The following TENM4 variants were observed in gnomAD, a reference collection of about 807,000 sequenced individuals.
TENM4 encodes teneurin transmembrane protein 4, also known as teneurin-4.
TENM4 carries 82 observed loss-of-function variants against 243.3 expected under a neutral mutation model. That is an observed-to-expected ratio of 0.34 (90% CI 0.28 to 0.40). The LOEUF (loss-of-function observed/expected upper bound fraction) is 0.40, where lower values mean the gene tolerates loss of function less well. TENM4 is among the 10% of genes least tolerant of loss of function. The pLI is 1.00. For missense variants in TENM4, 3,138 were observed against 3,673.3 expected (o/e 0.85, Z 3.77); for synonymous variants, 1,412 against 1,456.3 (o/e 0.97, Z 0.69).
At chr11:78,767,169 A>C (rs1856555941) in intron 18 of TENM4, among the ~76,000 whole-genome samples, 1 of 152,182 alleles carries the variant, frequency 6.6e-6, no homozygotes, top group Admixed American at 6.5e-5. Context: ...ACACAGTGAG[A>C]AGCTCTAATG....
chr11:79,124,893 A>ATGTATATGTGTG (rs1555013197), intron 4 of TENM4, among the ~76,000 whole-genome samples: 1 of 111,744 alleles, frequency 8.9e-6, no homozygotes, highest in Non-Finnish European at 2.0e-5. Flanking sequence ...GTATATGTAT[A>ATGTATATGTGTG]TGTGTGTGTG....
At chr11:78,937,323 T>C (rs1324659873) in intron 6 of TENM4, among the ~76,000 whole-genome samples, 2 of 152,182 alleles carry the variant, frequency 1.3e-5, no homozygotes, top group African/African-American at 4.8e-5. Context: ...CAGCATGTGT[T>C]TCCCAGAGGG....
intron 11 of TENM4, among the ~76,000 whole-genome samples, chr11:78,854,738 C>T (rs575295827): frequency 5.3e-5 from 8 of 150,314 alleles, no homozygotes; most frequent in African/African-American, 7.3e-5. Flanking sequence ...GGAGCAGAGG[C>T]GGGTGGCTGG....
At chr11:79,216,590 T>A (rs954536119) in intron 2 of TENM4, among the ~76,000 whole-genome samples, 1 of 152,218 alleles carries the variant, frequency 6.6e-6, no homozygotes. Flanking sequence ...CCTTGATGAA[T>A]GGATTAATGC....
At chr11:78,851,004 A>T (rs1028063086) in intron 12 of TENM4, among the ~76,000 whole-genome samples, 10 of 152,334 alleles carry the variant, frequency 6.6e-5, no homozygotes, top group African/African-American at 2.4e-4. Flanking sequence ...GCTTCACCGC[A>T]GGCCTACTGA....
intron 6 of TENM4, among the ~76,000 whole-genome samples, chr11:78,912,412 G>T (rs902724103): frequency 3.3e-5 from 5 of 152,148 alleles, no homozygotes; most frequent in Admixed American, 2.6e-4. Context: ...ACGCCACCAT[G>T]CCTGGCTAAT....
intron 4 of TENM4, among the ~76,000 whole-genome samples, chr11:79,117,261 G>C (rs1565210507): frequency 6.6e-6 from 1 of 152,140 alleles, no homozygotes; most frequent in Non-Finnish European, 1.5e-5. Flanking sequence ...TCAGAGACAG[G>C]CACATAATGG....
chr11:78,671,901 A>C, intron 31 of TENM4, 132 bp downstream of exon 31: 2 of 1,227,040 alleles, frequency 1.6e-6, no homozygotes, highest in South Asian at 3.1e-5. Flanking sequence ...CCTCTGTGGC[A>C]GACTTTCCTG....
Position 78,670,192 on chromosome 11 carries a change from G to A in TENM4, c.6153C>T (p.Phe2051=), listed in dbSNP as rs769225940. ...LKTINLQNEG[F]TCTIRYRQIG... ...TCTGACGGTAGCGGATGGTGCAGGT[G>A]AAGCCCTCATTCTGTAGGTTGATGG... Residue 2051 remains phenylalanine, a synonymous_variant, in exon 32 of 34, where the codon TTC becomes TTT. Transcript: ENST00000278550. 6.2e-7 allele frequency: 1 copy of A among 1,613,970 alleles called. No homozygotes were observed. Among genetic ancestry groups the A allele is most frequent in the Non-Finnish European group, 8.5e-7 (1 of 1,179,886 alleles).
chr11:78,990,613 C>T (rs1356979893), intron 6 of TENM4, among the ~76,000 whole-genome samples: 1 of 152,056 alleles, frequency 6.6e-6, no homozygotes, highest in Non-Finnish European at 1.5e-5. Flanking sequence ...GTATACGATT[C>T]CATGTGTGTT....
At chr11:79,079,526 C>G (rs1441383035) in intron 4 of TENM4, among the ~76,000 whole-genome samples, 1 of 152,160 alleles carries the variant, frequency 6.6e-6, no homozygotes, top group Non-Finnish European at 1.5e-5. Flanking sequence ...ATGGTGGCAT[C>G]TTAGAGTCAG....
At chr11:78,937,249 T>TG (rs1856805641) in intron 6 of TENM4, among the ~76,000 whole-genome samples, 1 of 152,146 alleles carries the variant, frequency 6.6e-6, no homozygotes, top group African/African-American at 2.4e-5. Flanking sequence ...ATTTAGGCCA[T>TG]GGTTTCTAGT....
intron 2 of TENM4, among the ~76,000 whole-genome samples, chr11:79,294,958 G>A (rs1054403903): frequency 5.9e-5 from 9 of 152,158 alleles, no homozygotes; most frequent in African/African-American, 1.9e-4. Context: ...CTTCTATGTA[G>A]ACCACAAACA....
Position 78,752,922 on chromosome 11 carries a change from T to G in TENM4, c.2756+3883A>C, listed in dbSNP as rs77108859. On this transcript the variant is annotated intron_variant, in intron 19 of 33. Transcript: ENST00000278550. ...TTAATTAACATCATCATCACCGCCATGTAATTAGCAAGCAAGTTTTTGTGT... is the reference window on the plus strand; with the variant it reads ...TTAATTAACATCATCATCACCGCCAGGTAATTAGCAAGCAAGTTTTTGTGT... 9.5e-3 allele frequency among the ~76,000 whole-genome samples: 1,449 copies of G among 152,290 alleles called. 11 individuals carry two copies. Among genetic ancestry groups the G allele is most frequent in the Middle Eastern group, 0.017 (5 of 294 alleles).
At chr11:78,954,913 T>C (rs1857177812) in intron 6 of TENM4, among the ~76,000 whole-genome samples, 1 of 152,202 alleles carries the variant, frequency 6.6e-6, no homozygotes, top group South Asian at 2.1e-4. Context: ...AACCAACAGA[T>C]GAGCCTTTTG....
At chr11:79,401,221 T>C (rs149108531) in intron 1 of TENM4, among the ~76,000 whole-genome samples, 10 of 152,302 alleles carry the variant, frequency 6.6e-5, no homozygotes, top group African/African-American at 1.2e-4. Context: ...AACAAGCATG[T>C]ATTGAGCAGT....
chr11:79,094,053 A>G (rs1354113139), intron 4 of TENM4, among the ~76,000 whole-genome samples: 1 of 152,170 alleles, frequency 6.6e-6, no homozygotes, highest in Non-Finnish European at 1.5e-5. Context: ...ACTGCATTAG[A>G]GACTGTAGAC....
intron 20 of TENM4, among the ~76,000 whole-genome samples, chr11:78,738,002 A>G (rs1485662676): frequency 6.6e-6 from 1 of 152,194 alleles, no homozygotes; most frequent in Non-Finnish European, 1.5e-5. Context: ...GCCATTAAGG[A>G]AGTTTTATTT....
At position 78,814,091 on chromosome 11, in the gene TENM4, C is replaced by T. The variant is rs114343569; in HGVS notation, c.1783+203G>A. On this transcript the variant is annotated intron_variant, in intron 13 of 33. Coordinates refer to ENST00000278550, the MANE Select transcript of TENM4 (RefSeq NM_001098816.3). ...CTCCCTTCCTGACCTCCCCGATCAT[C>T]CACATGTGGATAACAGCAGCTGACA... Among the ~76,000 whole-genome samples the T allele has an allele frequency of 0.013, 1,970 of 152,296 alleles. 44 individuals carry two copies. The highest frequency in any genetic ancestry group is 0.045 in the African/African-American group (1,861 of 41,556).
Sources: gnomAD v4.1 joint callset for allele counts (sites outside exome capture counted in the v4.1 genomes callset) on GRCh38, gnomAD v4.1.1 for gene constraint, MANE v1.5 for transcripts, NCBI Gene and HGNC (gene_info 2026-07-23, HGNC 2026-07-21) for gene names.